Variants in EXOC6B observed in about 807,000 individuals in gnomAD.
EXOC6B encodes the protein exocyst complex component 6B.
EXOC6B carries 54 observed loss-of-function variants against 113.5 expected under a neutral mutation model. The observed-to-expected ratio is 0.48, with a 90% CI of 0.38 to 0.60. The LOEUF is 0.60. Ranked by LOEUF, EXOC6B falls within the 20% of genes least tolerant of loss-of-function variation. The pLI is 0.00. For synonymous variants in EXOC6B, 357 were observed against 339.0 expected, an observed-to-expected ratio of 1.05 and a Z score of -0.58; for missense variants, 797 against 977.5, an observed-to-expected ratio of 0.82 and a Z score of 2.46.
chr2:72,707,025 G>A (rs1197780381), intron 6 of EXOC6B, among the ~76,000 whole-genome samples: 1 of 152,034 alleles, frequency 6.6e-6, no homozygotes, highest in African/African-American at 2.4e-5. Flanking sequence ...GTGAATGAAG[G>A]GGCCCCCTTC....
chr2:72,231,379 A>AAAG (rs1400605092), intron 20 of EXOC6B, among the ~76,000 whole-genome samples: 4 of 152,226 alleles, frequency 2.6e-5, no homozygotes, highest in African/African-American at 9.6e-5. Flanking sequence ...ATGGAACAGT[A>AAAG]AAGAAGAAAA....
At chr2:72,312,463 C>T (rs528602182) in intron 20 of EXOC6B, among the ~76,000 whole-genome samples, 52 of 152,154 alleles carry the variant, frequency 3.4e-4, no homozygotes, top group Admixed American at 3.3e-4. Flanking sequence ...TAAATGCCAT[C>T]TTCTAAAACT....
chr2:72,667,783 T>C (rs1004642010), intron 6 of EXOC6B, among the ~76,000 whole-genome samples: 2 of 152,216 alleles, frequency 1.3e-5, no homozygotes, highest in African/African-American at 4.8e-5. Context: ...GAAGAAATTC[T>C]AGGAAATACC....
At chr2:72,481,824 TA>T (rs998900319) in intron 16 of EXOC6B, among the ~76,000 whole-genome samples, 18 of 151,328 alleles carry the variant, frequency 1.2e-4, no homozygotes, top group African/African-American at 2.2e-4. Flanking sequence ...CAGTACTGGT[TA>T]AAAAAAAAGT....
intron 6 of EXOC6B, among the ~76,000 whole-genome samples, chr2:72,701,654 T>G (rs192919466): frequency 1.0e-3 from 153 of 152,282 alleles, no homozygotes; most frequent in African/African-American, 3.7e-3. Context: ...GAATTCTACT[T>G]CCCGGAGTCT....
intron 20 of EXOC6B, among the ~76,000 whole-genome samples, chr2:72,317,856 A>G (rs1687616377): frequency 6.6e-6 from 1 of 152,192 alleles, no homozygotes; most frequent in South Asian, 2.1e-4. Context: ...GAGGGCCATA[A>G]TATTGCTATA....
chr2:72,709,375 A>G (rs896283903), intron 6 of EXOC6B, among the ~76,000 whole-genome samples: 7 of 152,160 alleles, frequency 4.6e-5, no homozygotes, highest in African/African-American at 1.7e-4. Context: ...GGCCAGGAAG[A>G]TCTATCCCCC....
At chr2:72,317,834 A>C (rs750116371) in intron 20 of EXOC6B, among the ~76,000 whole-genome samples, 3 of 152,172 alleles carry the variant, frequency 2.0e-5, no homozygotes, top group Non-Finnish European at 4.4e-5. Context: ...AGACTACTAT[A>C]GTAGCTTATG....
intron 20 of EXOC6B, among the ~76,000 whole-genome samples, chr2:72,220,311 C>T (rs559243578): frequency 6.6e-6 from 1 of 152,132 alleles, no homozygotes; most frequent in East Asian, 1.9e-4. Context: ...TCTGCTGCCC[C>T]TCCCCCAGTT....
At chr2:72,493,319 T>TTTC (rs1699850673) in intron 15 of EXOC6B, among the ~76,000 whole-genome samples, 2 of 114,928 alleles carry the variant, frequency 1.7e-5, no homozygotes, top group Non-Finnish European at 3.4e-5. Context: ...TCTGTTTTTC[T>TTTC]CCCCCCCCCC....
rs538767767 is a variant in EXOC6B, at chr2:72,570,743, C to T, written c.846+4749G>A. On this transcript the variant is annotated intron_variant, in intron 7 of 21. Coordinates refer to ENST00000272427, the MANE Select transcript of EXOC6B (RefSeq NM_015189.3). ...ACCTAGAAACAAAGTAGAAAAAATA[C>T]GCCCTGCTTTTTCAAACTATTTCTT... 7.1e-4 allele frequency among the ~76,000 whole-genome samples: 108 copies of T among 152,284 alleles called. No individual in the cohort carries two copies. The South Asian group carries it at 0.013, about 18-fold the overall frequency.
Position 72,445,933 on chromosome 2 carries a change from G to A in EXOC6B, c.1980+19227C>T, listed in dbSNP as rs144087300. ...CATTAGAGAAATACAAATCAAAATC[G>A]CAAGGAGATACTATCTCACACCAGT... On this transcript the variant is annotated intron_variant, in intron 18 of 21. Coordinates refer to ENST00000272427, the MANE Select transcript of EXOC6B (RefSeq NM_015189.3). Among the ~76,000 whole-genome samples the A allele has an allele frequency of 2.8e-3, 429 of 152,130 alleles. 3 individuals carry two copies. The highest frequency in any genetic ancestry group is 8.9e-3 in the African/African-American group (370 of 41,492).
At position 72,644,526 on chromosome 2, in the gene EXOC6B, G is replaced by A. The variant is rs550748238; in HGVS notation, c.670-68858C>T. 5.9e-5 allele frequency among the ~76,000 whole-genome samples: 9 copies of A among 152,192 alleles called. No individual in the cohort carries two copies. In the South Asian group the frequency reaches 1.0e-3, roughly 18 times the overall value. ...TTGAAATGAAGGAAAAAATGTTAACGGCAACCAGAGAGAAAGGTCAGGTTA... is the reference window on the plus strand; with the variant it reads ...TTGAAATGAAGGAAAAAATGTTAACAGCAACCAGAGAGAAAGGTCAGGTTA... On this transcript the variant is annotated intron_variant, in intron 6 of 21. Transcript: ENST00000272427.
intron 1 of EXOC6B, among the ~76,000 whole-genome samples, chr2:72,759,806 G>C (rs1682637883): frequency 6.6e-6 from 1 of 152,142 alleles, no homozygotes; most frequent in Admixed American, 6.5e-5. Context: ...AAAAAGTCCA[G>C]GAAATAGAAA....
intron 19 of EXOC6B, among the ~76,000 whole-genome samples, chr2:72,343,465 A>T (rs1424053189): frequency 6.6e-6 from 1 of 152,170 alleles, no homozygotes; most frequent in African/African-American, 2.4e-5. Flanking sequence ...CCACTGTGAT[A>T]ATAATACTAG....
intron 20 of EXOC6B, among the ~76,000 whole-genome samples, chr2:72,331,212 T>C (rs1478674622): frequency 6.6e-6 from 1 of 152,078 alleles, no homozygotes; most frequent in African/African-American, 2.4e-5. Flanking sequence ...ATTCCTTTGC[T>C]CCCAGAGGGC....
At chr2:72,496,222 G>T (rs1700027940) in intron 14 of EXOC6B, among the ~76,000 whole-genome samples, 1 of 152,054 alleles carries the variant, frequency 6.6e-6, no homozygotes, top group Admixed American at 6.6e-5. Flanking sequence ...AGGATCCAAA[G>T]CCATCTGCTG....
At chr2:72,683,289 C>T (rs1676844926) in intron 6 of EXOC6B, among the ~76,000 whole-genome samples, 2 of 151,660 alleles carry the variant, frequency 1.3e-5, no homozygotes, top group South Asian at 4.2e-4. Flanking sequence ...AGCAGATGCT[C>T]AAAAAGTGAC....
intron 19 of EXOC6B, among the ~76,000 whole-genome samples, chr2:72,349,069 T>C (rs1387443968): frequency 6.6e-6 from 1 of 152,206 alleles, no homozygotes; most frequent in Non-Finnish European, 1.5e-5. Flanking sequence ...ATGGGGATTC[T>C]AGCCCTTGTA....
Sources: allele counts gnomAD v4.1 joint callset (sites outside exome capture counted in the v4.1 genomes callset), GRCh38; gene constraint gnomAD v4.1.1; transcripts MANE v1.5; gene names NCBI Gene and HGNC (gene_info 2026-07-23, HGNC 2026-07-21).